PHC2: variants seen among roughly 807,000 people sequenced by gnomAD.
The protein encoded by PHC2 is polyhomeotic-like protein 2.
PHC2 carries 29 observed loss-of-function variants against 87.4 expected under a neutral mutation model. The observed-to-expected ratio is 0.33, with a 90% confidence interval of 0.25 to 0.45. The LOEUF is 0.45. PHC2 is among the 20% of genes least tolerant of loss of function. PHC2 has a pLI of 1.00. For missense variants in PHC2, 857 were observed against 1,136.7 expected, an observed-to-expected ratio of 0.75 and a Z score of 3.54; for synonymous variants, 438 against 461.7, an observed-to-expected ratio of 0.95 and a Z score of 0.66.
intron 9 of PHC2, chr1:33,335,101 C>T (rs1218100039): frequency 3.0e-6 from 2 of 675,692 alleles, no homozygotes; most frequent in East Asian, 1.4e-4. Flanking sequence ...TTCTCCTTCC[C>T]CATGGGCCTG....
Position 33,368,313 on chromosome 1 carries a change from G to T in PHC2, c.663+223C>A, listed in dbSNP as rs764603853. Among the ~76,000 whole-genome samples, 2 of 152,216 alleles carry T rather than the reference G, an allele frequency of 1.3e-5. No homozygotes were observed. Among genetic ancestry groups the T allele is most frequent in the African/African-American group, 4.8e-5 (2 of 41,468 alleles). On this transcript the variant is annotated intron_variant, in intron 6 of 14. Transcript: ENST00000683057. This position sits in a 1 kb window ranked among gnomAD's most constrained non-coding sequence, Gnocchi z 6.6. Reference sequence around the variant, plus strand: ...CAAATCATGCTGGCCTCAGCAGGCTGCCCTCTGGCTCCTGACCTGTGTTTG... The same window carrying T: ...CAAATCATGCTGGCCTCAGCAGGCTTCCCTCTGGCTCCTGACCTGTGTTTG...
chr1:33,364,717 T>G lies in PHC2; in HGVS notation c.976+2399A>C, dbSNP rs949534870. ...AGGAAGGGGTGGGAGAGAGGAAGAATGAACAGGATGGTGGGAGGCAGGAAC... is the reference window on the plus strand; with the variant it reads ...AGGAAGGGGTGGGAGAGAGGAAGAAGGAACAGGATGGTGGGAGGCAGGAAC... On this transcript the variant is annotated intron_variant, in intron 7 of 14. Transcript: ENST00000683057. The surrounding 1 kb of genome is among the most constrained non-coding windows in gnomAD (Gnocchi z 4.1). 3.9e-5 allele frequency among the ~76,000 whole-genome samples: 6 copies of G among 152,056 alleles called. No individual in the cohort carries two copies. The highest frequency in any genetic ancestry group is 1.2e-4 in the African/African-American group (5 of 41,402).
rs1649197495 is a variant in PHC2 at position 33,394,091 on chromosome 1, A to T, written c.-54-18498T>A. On this transcript the variant is annotated intron_variant, in intron 1 of 14. Transcript: ENST00000683057. ...TCCTGTCCTATAATAAATTTCAGAA[A>T]ATTTTTGAGTCAGGCACTTTTATCC... Among the ~76,000 whole-genome samples the T allele has an allele frequency of 2.6e-5, 4 of 152,286 alleles. No homozygotes were observed. In the South Asian group the frequency reaches 8.3e-4, roughly 32 times the overall value.
chr1:33,333,929 A>T (rs1646564173), intron 10 of PHC2, 161 bp downstream of exon 10: 1 of 660,506 alleles, frequency 1.5e-6, no homozygotes, highest in Non-Finnish European at 2.6e-6. Context: ...TTGGAAAGAT[A>T]ATCCTAGAAA....
rs1352358504 is a variant in PHC2, at chr1:33,355,153, C to G, written c.1077G>C (p.Gln359His). ...GCCGTGACTGCTGGGGCGGCGGCTG[C>G]TGCTGTTGTGGCTGTGGCTGCTGCT... ...VIQQQPQPQQ[Q>H]QPPPQQSRPV... is the part of the protein sequence containing the mutation. The change falls in exon 8 of 15, where the codon CAG becomes CAC. Residue 359 changes from glutamine (Q) to histidine (H), a missense_variant. Physicochemically the swap from Gln to His is conservative, Grantham distance 24. Coordinates refer to ENST00000683057, the MANE Select transcript of PHC2 (RefSeq NM_001385109.1). The G allele has an allele frequency of 1.2e-6, 2 of 1,608,678 alleles. No homozygotes were observed. The highest frequency in any genetic ancestry group is 1.7e-6 in the Non-Finnish European group (2 of 1,178,836).
chr1:33,415,263 T>C (rs1193312352), intron 1 of PHC2, among the ~76,000 whole-genome samples: 2 of 152,124 alleles, frequency 1.3e-5, no homozygotes, highest in Admixed American at 1.3e-4. Flanking sequence ...ACATGCATGA[T>C]AGGAAACTAC....
chr1:33,398,099 A>C (rs1174613068), intron 1 of PHC2, among the ~76,000 whole-genome samples: 2 of 152,212 alleles, frequency 1.3e-5, no homozygotes, highest in Non-Finnish European at 2.9e-5. Flanking sequence ...TTATGATAGC[A>C]CTGCTTTTTG....
chr1:33,328,728 A>C (rs773618506), intron 14 of PHC2, 142 bp downstream of exon 14: 6 of 678,052 alleles, frequency 8.8e-6, no homozygotes, highest in Non-Finnish European at 1.5e-5. Flanking sequence ...ATAGGCAGGG[A>C]GCTCATCTCA....
At chr1:33,385,359 A>C (rs963110999) in intron 1 of PHC2, among the ~76,000 whole-genome samples, 9 of 152,178 alleles carry the variant, frequency 5.9e-5, no homozygotes, top group African/African-American at 2.2e-4. Flanking sequence ...CATGAGAGAG[A>C]GTTTAGAAAA....
At chr1:33,359,254 G>A (rs1451936431) in intron 7 of PHC2, among the ~76,000 whole-genome samples, 1 of 152,158 alleles carries the variant, frequency 6.6e-6, no homozygotes, top group Non-Finnish European at 1.5e-5. Flanking sequence ...TATCCTACAA[G>A]ACTTGTTCTC....
At position 33,349,849 on chromosome 1, in the gene PHC2, C is replaced by G. The variant is rs1395808347; in HGVS notation, c.1558+4552G>C. On this transcript the variant is annotated intron_variant, in intron 9 of 14. Transcript: ENST00000683057. The surrounding 1 kb of genome is among the most constrained non-coding windows in gnomAD (Gnocchi z 4.2). ...AGCGCGGGCGGCGGCCGGGGTTGCGCGCGCGCGCGCGGCGGGCGCTCGAGG... is the reference window on the plus strand; with the variant it reads ...AGCGCGGGCGGCGGCCGGGGTTGCGGGCGCGCGCGCGGCGGGCGCTCGAGG... 2.1e-6 allele frequency: 2 copies of G among 969,056 alleles called. No individual in the cohort carries two copies. Among genetic ancestry groups the G allele is most frequent in the East Asian group, 1.2e-4 (1 of 8,556 alleles). 60.0% of individuals were successfully genotyped at this position (969,056 alleles called of 1,614,324 possible). A position where few individuals can be genotyped will look rare whatever the true frequency, so the allele number is the denominator to read the frequency against.
chr1:33,424,757 G>A (rs1249452022), intron 1 of PHC2, among the ~76,000 whole-genome samples: 1 of 152,202 alleles, frequency 6.6e-6, no homozygotes, highest in Non-Finnish European at 1.5e-5. Flanking sequence ...TATATTATTA[G>A]TTAGGACGAT....
intron 7 of PHC2, among the ~76,000 whole-genome samples, chr1:33,365,793 A>C (rs543613407): frequency 6.6e-6 from 1 of 152,182 alleles, no homozygotes; most frequent in Non-Finnish European, 1.5e-5. Flanking sequence ...AAGGTGAATG[A>C]GGGATTTTGA....
intron 9 of PHC2, chr1:33,347,636 C>A (rs1293729965): frequency 1.3e-5 from 13 of 985,288 alleles, no homozygotes; most frequent in Non-Finnish European, 1.6e-5. Flanking sequence ...GACTCAAGTA[C>A]AACAGAAAGG....
At chr1:33,393,400 T>A (rs1027680876) in intron 1 of PHC2, among the ~76,000 whole-genome samples, 3 of 151,546 alleles carry the variant, frequency 2.0e-5, no homozygotes, top group African/African-American at 7.3e-5. Context: ...TGGAAAATCC[T>A]CATTTAAATG....
intron 7 of PHC2, among the ~76,000 whole-genome samples, chr1:33,356,301 A>G (rs1332712884): frequency 1.3e-4 from 17 of 133,828 alleles, no homozygotes; most frequent in Non-Finnish European, 2.3e-4. Flanking sequence ...ATATTTATTT[A>G]TTTAGTATTT....
At chr1:33,399,138 C>T (rs372774975) in intron 1 of PHC2, among the ~76,000 whole-genome samples, 2 of 152,194 alleles carry the variant, frequency 1.3e-5, no homozygotes, top group East Asian at 3.9e-4. Context: ...CCACCTCTGT[C>T]CTGCATTATG....
chr1:33,392,505 T>C (rs1057230464), intron 1 of PHC2, among the ~76,000 whole-genome samples: 2 of 152,226 alleles, frequency 1.3e-5, no homozygotes, highest in African/African-American at 2.4e-5. Context: ...CATTCCCACA[T>C]ATTAAATACT....
intron 9 of PHC2, chr1:33,346,443 C>T (rs1646846191): frequency 1.0e-6 from 1 of 984,866 alleles, no homozygotes; most frequent in African/African-American, 1.7e-5. Flanking sequence ...ATTCTCATTT[C>T]CCTACTCTCG....
Sources: gnomAD v4.1 joint callset for allele counts (sites outside exome capture counted in the v4.1 genomes callset) on GRCh38, gnomAD v4.1.1 for gene constraint, Gnocchi (gnomAD v3.1) non-coding constraint, MANE v1.5 for transcripts, NCBI Gene and HGNC (gene_info 2026-07-23, HGNC 2026-07-21) for gene names.